The following ZNF474 variants were observed in gnomAD, a reference collection of about 807,000 sequenced individuals.
ZNF474 encodes the protein zinc finger protein 474.
For synonymous variants in ZNF474, 192 were observed against 162.2 expected, an observed-to-expected ratio of 1.18 and a Z score of -1.39; for missense variants, 511 against 433.8, an observed-to-expected ratio of 1.18 and a Z score of -1.58.
chr5:122,145,932 A>G (rs532037636), intron 1 of ZNF474, among the ~76,000 whole-genome samples: 39 of 152,318 alleles, frequency 2.6e-4, no homozygotes, highest in African/African-American at 8.2e-4. Context: ...CAGATCTCCA[A>G]GGAGGACGCA....
At chr5:122,141,105 ATTTTATTTTATT>A (rs1181220409) in intron 1 of ZNF474, among the ~76,000 whole-genome samples, 3 of 18,338 alleles carry the variant, frequency 1.6e-4, no homozygotes, top group African/African-American at 4.1e-4. Context: ...TTTTTATTTT[ATTTTATTTTATT>A]TTATTTTATT....
In ZNF474 at chr5:122,152,821, G is replaced by A. The variant is rs114250323; in HGVS notation, c.831G>A (p.Ala277=). ...QPLPNAQSSQ[A]GPNQAQLVFC... ...TTCCGAATGCACAGTCCAGCCAAGC[G>A]GGACCAAATCAAGCTCAGCTTGTGT... Residue 277 remains alanine, a synonymous_variant, in exon 2 of 2, where the codon GCG becomes GCA. Transcript: ENST00000296600. The A allele has an allele frequency of 9.5e-5, 153 of 1,614,118 alleles. No individual in the cohort carries two copies. In the East Asian group the frequency reaches 2.2e-3, roughly 23 times the overall value.
chr5:122,143,307 T>G (rs569155161), intron 1 of ZNF474, among the ~76,000 whole-genome samples: 1 of 152,286 alleles, frequency 6.6e-6, no homozygotes, highest in African/African-American at 2.4e-5. Context: ...CTTCTGATAC[T>G]AACACAGCGT....
rs1464936400 is a variant in ZNF474, at chr5:122,130,693, TC to T, written c.-213+1012del. On this transcript the variant is annotated intron_variant, in intron 1 of 1. Coordinates refer to ENST00000296600, the MANE Select transcript of ZNF474 (RefSeq NM_207317.3). ...TTTTATTTTTTATGTCTAACTTTTT[TC>T]CAGCTTTATTGAGGTATGACTGACA... is the stretch of plus-strand genomic sequence containing the variant. 3.9e-5 allele frequency among the ~76,000 whole-genome samples: 6 copies of T among 152,328 alleles called. No homozygotes were observed. In the South Asian group the frequency reaches 6.2e-4, roughly 16 times the overall value.
chr5:122,137,446 C>CAAAAAAAAA lies in ZNF474; in HGVS notation c.-213+7786_-213+7794dup, dbSNP rs1166694085. The stretch of plus-strand genomic sequence containing the variant: ...TGGGTGACAGAGTGAGACTCTGTCT[C>CAAAAAAAAA]AAAAAAAAAAAAAAAAAAAAAAAAA... On this transcript the variant is annotated intron_variant, in intron 1 of 1. Coordinates refer to ENST00000296600, the MANE Select transcript of ZNF474 (RefSeq NM_207317.3). Among the ~76,000 whole-genome samples, 16 of 11,614 alleles carry CAAAAAAAAA rather than the reference C, an allele frequency of 1.4e-3. 4 individuals are homozygous for CAAAAAAAAA. Among genetic ancestry groups the CAAAAAAAAA allele is most frequent in the African/African-American group, 2.6e-3 (15 of 5,782 alleles). The allele number at this position is 11,614 out of a possible 152,430, so 7.6% of individuals were successfully genotyped here. A position where few individuals can be genotyped will look rare whatever the true frequency, so the allele number is the denominator to read the frequency against.
intron 1 of ZNF474, among the ~76,000 whole-genome samples, chr5:122,149,910 TGTGC>T (rs1194543230): frequency 6.4e-4 from 95 of 149,108 alleles, no homozygotes; most frequent in African/African-American, 2.0e-3. Flanking sequence ...TGTGTGTGTG[TGTGC>T]GCGCGTGAGA....
intron 1 of ZNF474, among the ~76,000 whole-genome samples, chr5:122,145,337 G>C (rs934408234): frequency 6.6e-6 from 1 of 152,174 alleles, no homozygotes; most frequent in Non-Finnish European, 1.5e-5. Flanking sequence ...CTAGGTCCCA[G>C]CTGCTCTCAC....
At position 122,152,750 on chromosome 5, in the gene ZNF474, C is replaced by T. The variant is rs1441228608; in HGVS notation, c.760C>T (p.Leu254Phe). ...LEKWKMENDRLPVELHQPLPQ... is the reference protein window; with the variant it reads ...LEKWKMENDRFPVELHQPLPQ... ...AAAGTGGAAAATGGAAAATGACCGG[C>T]TCCCTGTGGAGCTCCACCAGCCACT... The change falls in exon 2 of 2, where the codon CTC becomes TTC. Residue 254 changes from leucine to phenylalanine, a missense_variant. By Grantham distance (22) the Leu-to-Phe change is conservative. Coordinates refer to ENST00000296600, the MANE Select transcript of ZNF474 (RefSeq NM_207317.3). The T allele has an allele frequency of 1.9e-6, 3 of 1,614,010 alleles. No individual in the cohort carries two copies. The highest frequency in any genetic ancestry group is 1.7e-5 in the Admixed American group (1 of 59,998).
chr5:122,130,571 G>A (rs867856433), intron 1 of ZNF474, among the ~76,000 whole-genome samples: 39 of 152,112 alleles, frequency 2.6e-4, no homozygotes, highest in Middle Eastern at 3.4e-3. Flanking sequence ...TTTTACATTT[G>A]TTTATTACAT....
rs1349848354 is a variant in ZNF474 at position 122,152,331 on chromosome 5, C to T, written c.341C>T (p.Pro114Leu). ...TCCCAGTCAATTGCCATTCATGAAC[C>T]CCAGTGCTTGCAGAAGTGGCATATT... is the stretch of plus-strand genomic sequence containing the variant. ...FGSQSIAIHE[P>L]QCLQKWHIEN... Residue 114 changes from proline (P) to leucine (L), a missense_variant, in exon 2 of 2, where the codon CCC becomes CTC. Physicochemically the swap from Pro to Leu is moderately conservative, Grantham distance 98. Coordinates refer to ENST00000296600, the MANE Select transcript of ZNF474 (RefSeq NM_207317.3). The T allele has an allele frequency of 6.2e-7, 1 of 1,614,040 alleles. No individual in the cohort carries two copies. The highest frequency in any genetic ancestry group is 2.2e-5 in the East Asian group (1 of 44,890).
chr5:122,143,465 A>G (rs1755902427), intron 1 of ZNF474, among the ~76,000 whole-genome samples: 1 of 152,186 alleles, frequency 6.6e-6, no homozygotes, highest in South Asian at 2.1e-4. Flanking sequence ...GTAGATACTA[A>G]AATATGGTTA....
intron 1 of ZNF474, among the ~76,000 whole-genome samples, chr5:122,132,948 A>G (rs1401212964): frequency 1.3e-5 from 2 of 152,208 alleles, no homozygotes; most frequent in Non-Finnish European, 1.5e-5. Flanking sequence ...GAATTCTTCC[A>G]TGACTGCTTA....
intron 1 of ZNF474, among the ~76,000 whole-genome samples, chr5:122,136,497 G>A (rs796167189): frequency 2.0e-4 from 31 of 152,250 alleles, no homozygotes; most frequent in Middle Eastern, 3.4e-3. Flanking sequence ...GCTACCTTTG[G>A]TGTGCCTGTC....
chr5:122,138,731 A>ACC (rs904529076), intron 1 of ZNF474, among the ~76,000 whole-genome samples: 1 of 152,070 alleles, frequency 6.6e-6, no homozygotes, highest in African/African-American at 2.4e-5. Context: ...CATCCCCTTG[A>ACC]CCCGGAAGAA....
At chr5:122,146,936 C>T (rs1371430888) in intron 1 of ZNF474, among the ~76,000 whole-genome samples, 1 of 152,230 alleles carries the variant, frequency 6.6e-6, no homozygotes, top group Non-Finnish European at 1.5e-5. Flanking sequence ...AAGTTCCACA[C>T]AATATTTTCA....
Position 122,152,586 on chromosome 5 carries a change from CA to C in ZNF474, c.599del (p.Asn200ThrfsTer119). On this transcript the variant is annotated frameshift_variant, in exon 2 of 2. Transcript: ENST00000296600. LOFTEE classifies it low-confidence loss of function (END_TRUNC). ...PKGEGPRAPH[S>X]NSSDHLTGLK... Reference sequence around the variant, plus strand: ...GGTGAGGGTCCCAGAGCACCACACTCAAACAGTTCTGATCATCTTACTGGCC... The same window carrying C: ...GGTGAGGGTCCCAGAGCACCACACTCAACAGTTCTGATCATCTTACTGGCC... 6.2e-7 allele frequency: 1 copy of C among 1,614,202 alleles called. No homozygotes were observed. The highest frequency in any genetic ancestry group is 1.3e-5 in the African/African-American group (1 of 75,046).
intron 1 of ZNF474, among the ~76,000 whole-genome samples, chr5:122,150,419 G>C (rs1193551956): frequency 6.6e-6 from 1 of 152,158 alleles, no homozygotes; most frequent in Non-Finnish European, 1.5e-5. Flanking sequence ...AAGTACAGGA[G>C]CTGGGCACAG....
intron 1 of ZNF474, among the ~76,000 whole-genome samples, chr5:122,150,698 A>G (rs966188989): frequency 3.9e-5 from 6 of 152,110 alleles, no homozygotes; most frequent in Admixed American, 3.9e-4. Context: ...GGTAAAATTT[A>G]CTCATAACTT....
intron 1 of ZNF474, among the ~76,000 whole-genome samples, chr5:122,150,066 A>G (rs1398850397): frequency 6.6e-6 from 1 of 152,176 alleles, no homozygotes; most frequent in Non-Finnish European, 1.5e-5. Flanking sequence ...GCAATTTCCT[A>G]GTATCAAGGA....
Sources: allele counts gnomAD v4.1 joint callset (sites outside exome capture counted in the v4.1 genomes callset), GRCh38; gene constraint gnomAD v4.1.1; transcripts MANE v1.5; gene names NCBI Gene and HGNC (gene_info 2026-07-23, HGNC 2026-07-21).